Variants in ASTN2 observed in about 807,000 individuals in gnomAD.
The protein encoded by ASTN2 is astrotactin-2.
Under a neutral mutation model 139.8 loss-of-function variants are expected in ASTN2, and 54 were observed. The ratio of observed to expected loss-of-function variants is 0.39; its 90% CI spans 0.31 to 0.48. ASTN2 has a LOEUF of 0.48. Among genes scored for constraint, ASTN2 ranks in the 20% least tolerant of loss-of-function variants. The probability of loss-of-function intolerance (pLI) is 0.95; values close to 1 mark genes in which losing one functional copy is unlikely to be tolerated. For synonymous variants in ASTN2, 756 were observed against 719.5 expected (o/e 1.05, Z -0.81); for missense variants, 1,565 against 1,725.1 (o/e 0.91, Z 1.64).
In ASTN2 at chr9:116,437,141, G is replaced by A. The variant is rs868416329; in HGVS notation, c.3782+3468C>T. On this transcript the variant is annotated intron_variant, in intron 22 of 22. Coordinates refer to ENST00000313400, the MANE Select transcript of ASTN2 (RefSeq NM_001365068.1). ...GTTAGTGGGTGCAGCGCACCAGCAT[G>A]GCACATGTAACTAACCTGCACATTG... is the stretch of plus-strand genomic sequence containing the variant. 21 of 344,838 alleles carry A rather than the reference G, an allele frequency of 6.1e-5. 1 individual carries two copies. The highest frequency in any genetic ancestry group is 3.4e-4 in the African/African-American group (16 of 46,640). 21.4% of individuals were successfully genotyped at this position (344,838 alleles called of 1,614,324 possible).
Position 116,930,950 on chromosome 9 carries a change from C to T in ASTN2, c.1889+44258G>A, listed in dbSNP as rs111829653. On this transcript the variant is annotated intron_variant, in intron 10 of 22. Coordinates refer to ENST00000313400, the MANE Select transcript of ASTN2 (RefSeq NM_001365068.1). ...CAATTTTTCCTCCTCCAGGCCCAGT[C>T]CTTCCCATCAACTTCTGGGTTACTG... Among the ~76,000 whole-genome samples the T allele has an allele frequency of 2.6e-5, 4 of 152,042 alleles. No homozygotes were observed. The East Asian group carries it at 7.7e-4, about 29-fold the overall frequency.
At chr9:116,507,677 T>A (rs1850170473) in intron 19 of ASTN2, among the ~76,000 whole-genome samples, 3 of 152,124 alleles carry the variant, frequency 2.0e-5, no homozygotes, top group Admixed American at 1.3e-4. Flanking sequence ...CCTCTCTTAT[T>A]GTTCTTGGCA....
At chr9:116,609,530 T>C (rs1247024659) in intron 19 of ASTN2, among the ~76,000 whole-genome samples, 2 of 151,392 alleles carry the variant, frequency 1.3e-5, no homozygotes, top group East Asian at 1.9e-4. Flanking sequence ...TGCACAGCAA[T>C]AATATCTTAC....
intron 2 of ASTN2, among the ~76,000 whole-genome samples, chr9:117,290,616 C>G (rs1262099388): frequency 1.3e-5 from 2 of 152,252 alleles, no homozygotes; most frequent in South Asian, 4.2e-4. Context: ...CAGTATAGTG[C>G]TTAACAAATG....
Position 116,832,748 on chromosome 9 carries a change from C to T in ASTN2, c.2041-11965G>A, listed in dbSNP as rs189525361. ...AGTTATCTTTTATGTATTGTTGAATCCTATTTGTTAATATTTTGTTAAGGA... is the reference window on the plus strand; with the variant it reads ...AGTTATCTTTTATGTATTGTTGAATTCTATTTGTTAATATTTTGTTAAGGA... On this transcript the variant is annotated intron_variant, in intron 11 of 22. Transcript: ENST00000313400. 5.3e-4 allele frequency among the ~76,000 whole-genome samples: 81 copies of T among 151,960 alleles called. 1 individual carries two copies. The East Asian group carries it at 8.3e-3, about 16-fold the overall frequency.
chr9:117,155,276 C>T (rs774973213), intron 3 of ASTN2, among the ~76,000 whole-genome samples: 1 of 151,870 alleles, frequency 6.6e-6, no homozygotes, highest in African/African-American at 2.4e-5. Flanking sequence ...CAAACAGCAG[C>T]CAAAAAACTG....
intron 1 of ASTN2, among the ~76,000 whole-genome samples, chr9:117,312,046 C>T (rs1422309617): frequency 6.6e-6 from 1 of 152,184 alleles, no homozygotes; most frequent in Non-Finnish European, 1.5e-5. Context: ...ATTCCCTCCC[C>T]ATCTTGCAAT....
chr9:117,399,438 T>C (rs1329091118), intron 1 of ASTN2, among the ~76,000 whole-genome samples: 2 of 152,220 alleles, frequency 1.3e-5, no homozygotes, highest in Non-Finnish European at 2.9e-5. Flanking sequence ...GAGGACTATC[T>C]TCGTCTCTGT....
At chr9:116,808,272 A>G (rs1302858244) in intron 12 of ASTN2, among the ~76,000 whole-genome samples, 1 of 130,298 alleles carries the variant, frequency 7.7e-6, no homozygotes, top group East Asian at 2.4e-4. Context: ...GCATTTAAAT[A>G]CATATTGTGT....
chr9:116,713,169 T>C (rs945179014), intron 16 of ASTN2, among the ~76,000 whole-genome samples: 2 of 152,296 alleles, frequency 1.3e-5, no homozygotes, highest in Non-Finnish European at 2.9e-5. Flanking sequence ...ATTTCCACCA[T>C]CTATATTTGT....
chr9:117,141,554 G>A (rs1175429095), intron 3 of ASTN2, 76 bp from the exon 4 acceptor site: 1 of 1,270,886 alleles, frequency 7.9e-7, no homozygotes, highest in Non-Finnish European at 1.0e-6. Flanking sequence ...CTGAAGTTAG[G>A]GCTTGAGCCC....
At chr9:116,820,808 T>A in intron 11 of ASTN2, 25 bp from the exon 12 acceptor site, 1 of 1,597,672 alleles carries the variant, frequency 6.3e-7, no homozygotes, top group South Asian at 1.1e-5. Context: ...GGCAACAGGG[T>A]AGTTATGGCT....
At chr9:116,985,238 G>A (rs1451835208) in intron 7 of ASTN2, among the ~76,000 whole-genome samples, 1 of 152,170 alleles carries the variant, frequency 6.6e-6, no homozygotes, top group Non-Finnish European at 1.5e-5. Flanking sequence ...CCAAAGCACT[G>A]AGACAAATGT....
At chr9:116,734,688 T>C (rs1828878954) in intron 13 of ASTN2, among the ~76,000 whole-genome samples, 1 of 152,110 alleles carries the variant, frequency 6.6e-6, no homozygotes. Flanking sequence ...AAAACAAAAA[T>C]ATGTGATGCC....
At chr9:116,780,939 A>C (rs1383224087) in intron 13 of ASTN2, among the ~76,000 whole-genome samples, 9 of 151,496 alleles carry the variant, frequency 5.9e-5, no homozygotes, top group African/African-American at 1.5e-4. Context: ...TCCTGGGTTC[A>C]AGTGATTCTC....
At chr9:117,103,794 A>G (rs1829038832) in intron 4 of ASTN2, among the ~76,000 whole-genome samples, 1 of 152,216 alleles carries the variant, frequency 6.6e-6, no homozygotes, top group Admixed American at 6.5e-5. Flanking sequence ...CTGACCCCCA[A>G]CCATCTAGGG....
intron 7 of ASTN2, among the ~76,000 whole-genome samples, chr9:117,000,370 C>T (rs1466513246): frequency 6.6e-6 from 1 of 152,214 alleles, no homozygotes. Context: ...TCACTACATG[C>T]TTGAATGAAT....
chr9:116,818,226 C>T (rs539254921), intron 12 of ASTN2, among the ~76,000 whole-genome samples: 143 of 152,290 alleles, frequency 9.4e-4, no homozygotes, highest in African/African-American at 3.3e-3. Context: ...ATTTATTAAA[C>T]CTTCTCCTAC....
intron 10 of ASTN2, among the ~76,000 whole-genome samples, chr9:116,871,173 G>A (rs990621965): frequency 2.6e-5 from 4 of 152,154 alleles, no homozygotes; most frequent in Admixed American, 6.5e-5. Flanking sequence ...CAGGAGAATC[G>A]CTTGAATCAG....
Sources: gnomAD v4.1 joint callset for allele counts (sites outside exome capture counted in the v4.1 genomes callset) on GRCh38, gnomAD v4.1.1 for gene constraint, MANE v1.5 for transcripts, NCBI Gene and HGNC (gene_info 2026-07-23, HGNC 2026-07-21) for gene names.